SESTD1: variants seen among roughly 807,000 people sequenced by gnomAD.
The protein encoded by SESTD1 is SEC14 and spectrin domain containing 1.
Under a neutral mutation model 101.7 loss-of-function variants are expected in SESTD1, and 43 were observed. That is an observed-to-expected ratio of 0.42 (90% CI 0.33 to 0.55). The LOEUF (loss-of-function observed/expected upper bound fraction) is 0.55. Ranked by LOEUF, SESTD1 falls within the 20% of genes least tolerant of loss-of-function variation. The pLI is 0.07. For missense variants in SESTD1, 647 were observed against 815.1 expected, an observed-to-expected ratio of 0.79 and a Z score of 2.51; for synonymous variants, 283 against 286.8, an observed-to-expected ratio of 0.99 and a Z score of 0.13.
chr2:179,111,472 G>A (rs962654778), intron 17 of SESTD1, among the ~76,000 whole-genome samples: 2 of 152,132 alleles, frequency 1.3e-5, no homozygotes, highest in African/African-American at 4.8e-5. Context: ...GTTTTTAGAT[G>A]AGGGAATTGA....
At chr2:179,128,805 C>T (rs2044941944) in intron 10 of SESTD1, among the ~76,000 whole-genome samples, 1 of 150,378 alleles carries the variant, frequency 6.6e-6, no homozygotes, top group Non-Finnish European at 1.5e-5. Context: ...GTATTTTGTT[C>T]ACTTACAGCC....
rs145174802 is a variant in SESTD1 at position 179,149,325 on chromosome 2, C to T, written c.553G>A (p.Asp185Asn). The T allele has an allele frequency of 2.2e-4, 355 of 1,610,982 alleles. No individual in the cohort carries two copies. In the African/African-American group the frequency reaches 2.6e-3, roughly 12 times the overall value. ...TCTTTCTCTTGCTGATTTCCTTTAT[C>T]ACTTCCATTGTTAATCAAAGCAAGT... ...DELALINNGS[D>N]KGNQQEKERS... The change falls in exon 7 of 18, where the codon GAT (aspartate) becomes AAT (asparagine). Residue 185 changes from aspartate to asparagine, a missense_variant. Physicochemically the swap from Asp to Asn is conservative, Grantham distance 23 (BLOSUM62 1). This residue lies in a region of SESTD1 where 168 missense variants were observed against 235.1 expected (regional missense o/e 0.71). Transcript: ENST00000428443.
At position 179,173,155 on chromosome 2, in the gene SESTD1, C is replaced by G. The variant is rs534093558; in HGVS notation, c.256-922G>C. On this transcript the variant is annotated intron_variant, in intron 4 of 17. Coordinates refer to ENST00000428443, the MANE Select transcript of SESTD1 (RefSeq NM_178123.5). ...TCTTTGTCCATGCTATTTCCTCTAT[C>G]TGGAATGCCCTTTGCCTTATACCTA... Among the ~76,000 whole-genome samples the G allele has an allele frequency of 5.3e-5, 8 of 152,308 alleles. No individual in the cohort carries two copies. The South Asian group carries it at 1.7e-3, about 32-fold the overall frequency.
chr2:179,105,038 C>T lies in SESTD1; in HGVS notation c.*4861G>A, dbSNP rs369806380. ...ACTCCCCTGTATTTATGCCAGCTCA[C>T]GGAGTGTCCTTAGTTCTATGCCTCT... On this transcript the variant is annotated 3_prime_UTR_variant, in exon 18 of 18. Transcript: ENST00000428443. 3.3e-5 allele frequency: 5 copies of T among 152,212 alleles called. No individual in the cohort carries two copies. The highest frequency in any genetic ancestry group is 1.9e-4 in the East Asian group (1 of 5,184). The allele number at this position is 152,212 out of a possible 1,614,324, so 9.4% of individuals were successfully genotyped here.
In SESTD1 at chr2:179,110,026, G is replaced by A. The variant is rs1262580925; in HGVS notation, c.1964C>T (p.Thr655Ile). 5 of 1,612,420 alleles carry A rather than the reference G, an allele frequency of 3.1e-6. No individual in the cohort carries two copies. The highest frequency in any genetic ancestry group is 4.2e-6 in the Non-Finnish European group (5 of 1,179,190). The change falls in exon 18 of 18, where the codon ACC becomes ATC. Residue 655 changes from threonine to isoleucine, a missense_variant and splice_region_variant. Transcript: ENST00000428443. ...ACTTGGACTCCCAAAATATTGTTCG[G>A]TTCTAAAAATCAAAACACACAGAAA... ...LTVPVVYPDG[T>I]EQYFGSPSDM... is the part of the protein sequence containing the mutation.
intron 12 of SESTD1, among the ~76,000 whole-genome samples, chr2:179,122,915 G>A (rs1439457321): frequency 6.6e-6 from 1 of 152,052 alleles, no homozygotes; most frequent in Non-Finnish European, 1.5e-5. Flanking sequence ...AAATAACAAA[G>A]GCTGTAAGCA....
rs546591063 is a variant in SESTD1 at position 179,185,891 on chromosome 2, CAA to C, written c.56-2705_56-2704del. On this transcript the variant is annotated intron_variant, in intron 2 of 17. Coordinates refer to ENST00000428443, the MANE Select transcript of SESTD1 (RefSeq NM_178123.5). ...TATACAATATATAATATAGCATATA[CAA>C]TATAGTATATTATATACAATATATA... Among the ~76,000 whole-genome samples, 495 of 131,854 alleles carry C rather than the reference CAA, an allele frequency of 3.8e-3. 1 individual carries two copies. The highest frequency in any genetic ancestry group is 0.013 in the African/African-American group (473 of 35,532). 86.5% of individuals were successfully genotyped at this position (131,854 alleles called of 152,430 possible). A position where few individuals can be genotyped will look rare whatever the true frequency, so the allele number is the denominator to read the frequency against.
chr2:179,117,655 T>TATTG (rs1219127170), intron 13 of SESTD1, 42 bp from the exon 14 acceptor site: 5 of 1,439,528 alleles, frequency 3.5e-6, no homozygotes, highest in East Asian at 5.0e-5. Flanking sequence ...ATTTCTGTTT[T>TATTG]ATTGATTACT....
At chr2:179,177,157 T>C (rs992795244) in intron 3 of SESTD1, among the ~76,000 whole-genome samples, 1 of 152,208 alleles carries the variant, frequency 6.6e-6, no homozygotes, top group Admixed American at 6.5e-5. Context: ...TTATCTTCAG[T>C]GTTGGATTCC....
intron 1 of SESTD1, chr2:179,264,298 T>G (rs2047526298): frequency 6.7e-6 from 1 of 148,934 alleles, no homozygotes; most frequent in Middle Eastern, 3.2e-3. Context: ...GTGGGGGCGG[T>G]CGGGGCGTTG....
chr2:179,237,696 T>C (rs995343385), intron 1 of SESTD1, among the ~76,000 whole-genome samples: 2 of 152,214 alleles, frequency 1.3e-5, no homozygotes, highest in African/African-American at 4.8e-5. Flanking sequence ...TCCAAACTTG[T>C]AATATGACAC....
rs2044335635 is a variant in SESTD1 at position 179,104,371 on chromosome 2, GAA to G, written c.*5526_*5527del. ...AAAGATAACATAAGAGTTAAGATGA[GAA>G]AACATTCCTAAGAGAAAAATCAAAC... On this transcript the variant is annotated 3_prime_UTR_variant, in exon 18 of 18. Transcript: ENST00000428443. 6.6e-6 allele frequency: 1 copy of G among 152,198 alleles called. No individual in the cohort carries two copies. The highest frequency in any genetic ancestry group is 2.1e-4 in the South Asian group (1 of 4,816). The allele number at this position is 152,198 out of a possible 1,614,324, so 9.4% of individuals were successfully genotyped here.
In SESTD1 at chr2:179,104,866, GTTC is replaced by G; in HGVS notation, c.*5030_*5032del. On this transcript the variant is annotated 3_prime_UTR_variant, in exon 18 of 18. Transcript: ENST00000428443. ...GTTCTGGCTGTCTTTTGATCTCTAA[GTTC>G]TTCATGTTCTAGTACAGGTTCTGCT... The G allele has an allele frequency of 6.6e-6, 1 of 152,168 alleles. No homozygotes were observed. Among genetic ancestry groups the G allele is most frequent in the East Asian group, 1.9e-4 (1 of 5,186 alleles). 9.4% of individuals were successfully genotyped at this position (152,168 alleles called of 1,614,324 possible). A position where few individuals can be genotyped will look rare whatever the true frequency, so the allele number is the denominator to read the frequency against.
intron 1 of SESTD1, among the ~76,000 whole-genome samples, chr2:179,246,240 G>A (rs1273592031): frequency 8.7e-6 from 1 of 114,698 alleles, no homozygotes; most frequent in Admixed American, 1.2e-4. Flanking sequence ...GGGTGATAGA[G>A]TGAGACTCCA....
At chr2:179,256,545 T>A (rs1199672814) in intron 1 of SESTD1, among the ~76,000 whole-genome samples, 1 of 152,076 alleles carries the variant, frequency 6.6e-6, no homozygotes, top group Non-Finnish European at 1.5e-5. Flanking sequence ...GGGCACGGTG[T>A]CTTACGCCTG....
chr2:179,192,195 GGCTAAAACACT>G (rs2046329282), intron 1 of SESTD1, among the ~76,000 whole-genome samples: 1 of 152,046 alleles, frequency 6.6e-6, no homozygotes, highest in African/African-American at 2.4e-5. Flanking sequence ...GCAATACTCG[GGCTAAAACACT>G]GCCTGGTACA....
chr2:179,222,630 C>T (rs148703334), intron 1 of SESTD1, among the ~76,000 whole-genome samples: 4 of 152,250 alleles, frequency 2.6e-5, no homozygotes, highest in African/African-American at 9.6e-5. Flanking sequence ...ATATATGATT[C>T]TATTAATAAC....
At position 179,205,325 on chromosome 2, in the gene SESTD1, C is replaced by G. The variant is rs1260175706; in HGVS notation, c.-25-13459G>C. Among the ~76,000 whole-genome samples the G allele has an allele frequency of 3.0e-5, 4 of 133,368 alleles. 1 individual carries two copies. Among genetic ancestry groups the G allele is most frequent in the Non-Finnish European group, 6.4e-5 (4 of 62,412 alleles). 87.5% of individuals were successfully genotyped at this position (133,368 alleles called of 152,430 possible). A position where few individuals can be genotyped will look rare whatever the true frequency, so the allele number is the denominator to read the frequency against. On this transcript the variant is annotated intron_variant, in intron 1 of 17. Coordinates refer to ENST00000428443, the MANE Select transcript of SESTD1 (RefSeq NM_178123.5). ...CCAAGAAACAGGAACATCTGGAATC[C>G]CTACGACAAGGCATAAGAAATGATA...
rs970833426 is a variant in SESTD1, at chr2:179,154,199, C to A, written c.370-2808G>T. 6.6e-5 allele frequency among the ~76,000 whole-genome samples: 10 copies of A among 150,930 alleles called. No individual in the cohort carries two copies. The East Asian group carries it at 1.9e-3, about 29-fold the overall frequency. On this transcript the variant is annotated intron_variant, in intron 5 of 17. Transcript: ENST00000428443. ...GGAGCTATTATTGCACCACTGCACTCCAGCCTGGGGGTCAGAGAACCCCAT... is the reference window on the plus strand; with the variant it reads ...GGAGCTATTATTGCACCACTGCACTACAGCCTGGGGGTCAGAGAACCCCAT...
Sources: gnomAD v4.1 joint callset for allele counts (sites outside exome capture counted in the v4.1 genomes callset) on GRCh38, gnomAD v4.1.1 for gene constraint, gnomAD v4.1.1 regional missense constraint, MANE v1.5 for transcripts, NCBI Gene and HGNC (gene_info 2026-07-23, HGNC 2026-07-21) for gene names.